The following VWA8 variants were observed in gnomAD, a reference collection of about 807,000 sequenced individuals.
The protein encoded by VWA8 is von Willebrand factor A domain containing 8, also known as von Willebrand factor A domain-containing protein 8.
Under a neutral mutation model 241.5 loss-of-function variants are expected in VWA8, and 221 were observed. The ratio of observed to expected loss-of-function variants is 0.91; its 90% CI spans 0.82 to 1.02. The LOEUF (loss-of-function observed/expected upper bound fraction) is 1.02, where lower values mean the gene tolerates loss of function less well. VWA8 is among the 50% of genes least tolerant of loss of function. The pLI is 0.00. For missense variants in VWA8, 2,322 were observed against 2,328.7 expected (o/e 1.00, Z 0.06); for synonymous variants, 852 against 827.1 (o/e 1.03, Z -0.52).
Position 41,721,296 on chromosome 13 carries a change from G to A in VWA8, c.2964+74C>T. Reference sequence around the variant, plus strand: ...TGTATTTATGGAAATTAAAAACTCTGGTACAAACTGTACAGTCTGAAAAAA... The same window carrying A: ...TGTATTTATGGAAATTAAAAACTCTAGTACAAACTGTACAGTCTGAAAAAA... On this transcript the variant is annotated intron_variant, in intron 25 of 44. Coordinates refer to ENST00000379310, the MANE Select transcript of VWA8 (RefSeq NM_015058.2). 10 of 1,463,384 alleles carry A rather than the reference G, an allele frequency of 6.8e-6. No individual in the cohort carries two copies. The Middle Eastern group carries it at 1.4e-3, about 206-fold the overall frequency. The allele number at this position is 1,463,384 out of a possible 1,614,324, so 90.6% of individuals were successfully genotyped here. A position where few individuals can be genotyped will look rare whatever the true frequency, so the allele number is the denominator to read the frequency against.
intron 2 of VWA8, among the ~76,000 whole-genome samples, chr13:41,927,955 A>T (rs1015242627): frequency 6.6e-6 from 1 of 152,232 alleles, no homozygotes; most frequent in African/African-American, 2.4e-5. Flanking sequence ...GAATGGCTAT[A>T]CTAATATCTA....
intron 37 of VWA8, among the ~76,000 whole-genome samples, chr13:41,641,752 T>C (rs1408325352): frequency 2.0e-5 from 3 of 152,164 alleles, no homozygotes; most frequent in Non-Finnish European, 2.9e-5. Context: ...TCATACTGCA[T>C]GGTGTTCTTG....
At chr13:41,786,921 C>T (rs1186812390) in intron 18 of VWA8, among the ~76,000 whole-genome samples, 1 of 151,532 alleles carries the variant, frequency 6.6e-6, no homozygotes, top group African/African-American at 2.4e-5. Flanking sequence ...TTATGGCTAT[C>T]CAGAAGAAAA....
chr13:41,661,437 G>A (rs962247440), intron 37 of VWA8, among the ~76,000 whole-genome samples: 3 of 152,240 alleles, frequency 2.0e-5, no homozygotes, highest in Non-Finnish European at 2.9e-5. Context: ...GGTGGATAAA[G>A]AGCACACATT....
intron 4 of VWA8, among the ~76,000 whole-genome samples, chr13:41,895,673 G>A (rs1385456050): frequency 6.6e-6 from 1 of 152,014 alleles, no homozygotes; most frequent in African/African-American, 2.4e-5. Flanking sequence ...TAACAGAAAA[G>A]GCTCATTAGT....
At chr13:41,829,809 G>C (rs1249710829) in intron 14 of VWA8, among the ~76,000 whole-genome samples, 4 of 152,034 alleles carry the variant, frequency 2.6e-5, no homozygotes, top group Non-Finnish European at 5.9e-5. Context: ...GGGGCGGTGA[G>C]GGATAAAAGA....
intron 37 of VWA8, among the ~76,000 whole-genome samples, chr13:41,624,029 G>T (rs2044673651): frequency 6.6e-6 from 1 of 152,150 alleles, no homozygotes; most frequent in Admixed American, 6.6e-5. Context: ...ACCCCTCAGA[G>T]ACTATTATGA....
At chr13:41,882,760 T>A (rs1220729609) in intron 9 of VWA8, among the ~76,000 whole-genome samples, 1 of 143,738 alleles carries the variant, frequency 7.0e-6, no homozygotes, top group Non-Finnish European at 1.5e-5. Flanking sequence ...AGCAGTACAG[T>A]CCAGCTTCGG....
At chr13:41,585,725 G>T (rs777489132) in intron 42 of VWA8, among the ~76,000 whole-genome samples, 1 of 151,776 alleles carries the variant, frequency 6.6e-6, no homozygotes, top group African/African-American at 2.4e-5. Flanking sequence ...TTAGCCAGGC[G>T]TGGTGGCGGG....
chr13:41,851,600 T>C (rs1037732661), intron 12 of VWA8, among the ~76,000 whole-genome samples: 1 of 152,174 alleles, frequency 6.6e-6, no homozygotes, highest in African/African-American at 2.4e-5. Context: ...CTTTCACTTC[T>C]TCCTCATTTT....
At chr13:41,713,800 T>G (rs1235925123) in intron 26 of VWA8, among the ~76,000 whole-genome samples, 1 of 152,124 alleles carries the variant, frequency 6.6e-6, no homozygotes, top group Non-Finnish European at 1.5e-5. Context: ...AAAAATAAGT[T>G]TACAATTTCA....
intron 40 of VWA8, among the ~76,000 whole-genome samples, chr13:41,592,046 G>T (rs1259567864): frequency 6.6e-6 from 1 of 151,360 alleles, no homozygotes; most frequent in Non-Finnish European, 1.5e-5. Context: ...ATTCACAATA[G>T]CAAAGTCTTG....
chr13:41,709,893 T>C (rs1220550666), intron 26 of VWA8, among the ~76,000 whole-genome samples: 2 of 151,966 alleles, frequency 1.3e-5, no homozygotes, highest in Non-Finnish European at 2.9e-5. Context: ...GGAATCCTCC[T>C]GCCTCAGCCT....
intron 42 of VWA8, among the ~76,000 whole-genome samples, chr13:41,582,608 T>C (rs1168776006): frequency 6.6e-6 from 1 of 152,248 alleles, no homozygotes; most frequent in Non-Finnish European, 1.5e-5. Context: ...CTCCTCAAAC[T>C]GTCTTCTGTT....
At chr13:41,642,866 T>C (rs1566399352) in intron 37 of VWA8, among the ~76,000 whole-genome samples, 4 of 151,476 alleles carry the variant, frequency 2.6e-5, no homozygotes, top group Admixed American at 6.6e-5. Context: ...GAGGCGGAGG[T>C]TGCAGTGAGC....
intron 40 of VWA8, among the ~76,000 whole-genome samples, chr13:41,592,968 TA>T (rs1471408129): frequency 1.1e-4 from 17 of 152,224 alleles, no homozygotes; most frequent in African/African-American, 3.9e-4. Context: ...TACTATTATT[TA>T]TTGCAGTGGA....
intron 13 of VWA8, among the ~76,000 whole-genome samples, chr13:41,831,988 T>G (rs1475535951): frequency 6.6e-6 from 1 of 150,864 alleles, no homozygotes; most frequent in East Asian, 1.9e-4. Context: ...TGGAGTGCAG[T>G]GGCGCCATCT....
intron 13 of VWA8, 38 bp from the exon 14 acceptor site, chr13:41,830,680 G>A (rs1442955165): frequency 1.3e-6 from 2 of 1,579,294 alleles, no homozygotes; most frequent in Non-Finnish European, 1.7e-6. Context: ...ATAAATTAAT[G>A]TGTTTTGAAC....
chr13:41,833,157 A>T (rs1395686432), intron 13 of VWA8, among the ~76,000 whole-genome samples: 1 of 152,096 alleles, frequency 6.6e-6, no homozygotes, highest in African/African-American at 2.4e-5. Flanking sequence ...CTGCTACAGG[A>T]GTGGCTTTTC....
Sources: allele counts gnomAD v4.1 joint callset (sites outside exome capture counted in the v4.1 genomes callset), GRCh38; gene constraint gnomAD v4.1.1; transcripts MANE v1.5; gene names NCBI Gene and HGNC (gene_info 2026-07-23, HGNC 2026-07-21).